C1QTNF3: variants seen among roughly 807,000 people sequenced by gnomAD.
C1QTNF3 encodes C1q and TNF related 3.
A neutral mutation model predicts 32.6 loss-of-function variants in C1QTNF3; 26 were observed. The ratio of observed to expected loss-of-function variants is 0.80; its 90% CI spans 0.58 to 1.11. The LOEUF (loss-of-function observed/expected upper bound fraction) is 1.11. C1QTNF3 is among the 50% of genes least tolerant of loss of function. C1QTNF3 has a pLI of 0.00. For synonymous variants in C1QTNF3, 155 were observed against 146.0 expected (o/e 1.06, Z -0.44); for missense variants, 362 against 398.2 (o/e 0.91, Z 0.77).
the C1QTNF3 span, among the ~76,000 whole-genome samples, chr5:34,176,754 G>A: frequency 6.6e-6 from 1 of 152,030 alleles, no homozygotes; most frequent in Non-Finnish European, 1.5e-5. Flanking sequence ...CTACTTGGGA[G>A]GCTGAGGTGG....
At chr5:34,229,761 T>C in the C1QTNF3 span, among the ~76,000 whole-genome samples, 5 of 152,220 alleles carry the variant, frequency 3.3e-5, no homozygotes, top group South Asian at 1.0e-3. Context: ...CTATTGAAGA[T>C]GATTGGCATT....
chr5:34,073,571 G>A, the C1QTNF3 span, among the ~76,000 whole-genome samples: 10 of 152,198 alleles, frequency 6.6e-5, no homozygotes, highest in East Asian at 1.9e-3. Context: ...ACATTCCCCA[G>A]ACTACACAGA....
chr5:34,124,585 G>C, the C1QTNF3 span: 2 of 578,948 alleles, frequency 3.5e-6, no homozygotes, highest in Non-Finnish European at 6.4e-6. Context: ...CAGCACTAAG[G>C]GGATGGTATT....
chr5:34,213,260 T>C, the C1QTNF3 span, among the ~76,000 whole-genome samples: 8 of 152,262 alleles, frequency 5.3e-5, no homozygotes, highest in East Asian at 1.9e-4. Context: ...CCATTATAGA[T>C]TGATCACTCT....
the C1QTNF3 span, chr5:34,167,654 G>GT: frequency 6.6e-6 from 1 of 152,162 alleles, no homozygotes; most frequent in Non-Finnish European, 1.5e-5. Flanking sequence ...GGGCAGAAGG[G>GT]TAAGATTTTG....
chr5:34,045,443 C>T (rs1754970890), upstream of C1QTNF3, among the ~76,000 whole-genome samples: 1 of 152,222 alleles, frequency 6.6e-6, no homozygotes, highest in South Asian at 2.1e-4. Flanking sequence ...TTAGGAATCA[C>T]TGATCCATCC....
At chr5:34,120,206 T>C in the C1QTNF3 span, among the ~76,000 whole-genome samples, 2 of 152,250 alleles carry the variant, frequency 1.3e-5, no homozygotes, top group African/African-American at 2.4e-5. Context: ...TTGGCATTCA[T>C]GCATGTTTCA....
chr5:34,052,465 A>G, the C1QTNF3 span, among the ~76,000 whole-genome samples: 1 of 152,266 alleles, frequency 6.6e-6, no homozygotes. Context: ...GGCAATAAAT[A>G]TCTGCTAATG....
At chr5:34,228,959 GTT>G in the C1QTNF3 span, among the ~76,000 whole-genome samples, 1 of 143,226 alleles carries the variant, frequency 7.0e-6, no homozygotes, top group Non-Finnish European at 1.5e-5. Context: ...GCCAATTAGA[GTT>G]TTTTTTTTTT....
the C1QTNF3 span, among the ~76,000 whole-genome samples, chr5:34,154,438 T>C: frequency 6.6e-6 from 1 of 152,220 alleles, no homozygotes; most frequent in Non-Finnish European, 1.5e-5. Flanking sequence ...AATGTTACCC[T>C]GTGTCCTTGT....
chr5:34,170,848 A>G, the C1QTNF3 span, among the ~76,000 whole-genome samples: 5 of 152,240 alleles, frequency 3.3e-5, no homozygotes. Context: ...ATTAAAATTT[A>G]AAGAATCTTA....
chr5:34,030,647 T>C (rs1754589386), intron 3 of C1QTNF3, among the ~76,000 whole-genome samples: 1 of 152,286 alleles, frequency 6.6e-6, no homozygotes, highest in South Asian at 2.1e-4. Context: ...AAAACTTTTG[T>C]CACTATTCAC....
the C1QTNF3 span, among the ~76,000 whole-genome samples, chr5:34,209,713 T>C: frequency 2.6e-4 from 40 of 152,068 alleles, no homozygotes; most frequent in Non-Finnish European, 5.0e-4. Flanking sequence ...TTAGTTTGAG[T>C]CTCTTCCGGA....
At chr5:34,131,086 A>G in the C1QTNF3 span, among the ~76,000 whole-genome samples, 1 of 152,264 alleles carries the variant, frequency 6.6e-6, no homozygotes, top group Non-Finnish European at 1.5e-5. Flanking sequence ...ACATATAAAA[A>G]TGCAACCACA....
At chr5:34,169,713 G>T in the C1QTNF3 span, among the ~76,000 whole-genome samples, 2 of 151,918 alleles carry the variant, frequency 1.3e-5, no homozygotes, top group Non-Finnish European at 2.9e-5. Flanking sequence ...AAAAGTCATT[G>T]CAAATAGTAA....
the C1QTNF3 span, among the ~76,000 whole-genome samples, chr5:34,055,300 G>A: frequency 6.6e-6 from 1 of 152,166 alleles, no homozygotes; most frequent in Non-Finnish European, 1.5e-5. Context: ...GCTACCACAT[G>A]GTAGAAAGAA....
At chr5:34,036,205 T>TA (rs1409633639) in intron 1 of C1QTNF3, among the ~76,000 whole-genome samples, 1 of 152,130 alleles carries the variant, frequency 6.6e-6, no homozygotes, top group Non-Finnish European at 1.5e-5. Context: ...TTTAAATGCT[T>TA]ACTATATCCA....
chr5:34,221,812 C>A, the C1QTNF3 span, among the ~76,000 whole-genome samples: 4 of 151,990 alleles, frequency 2.6e-5, no homozygotes, highest in East Asian at 5.8e-4. Flanking sequence ...TTTCAAAATT[C>A]TTTCCATTAC....
intron 3 of C1QTNF3, among the ~76,000 whole-genome samples, chr5:34,031,708 A>G (rs1754618169): frequency 6.6e-6 from 1 of 152,048 alleles, no homozygotes; most frequent in Admixed American, 6.6e-5. Flanking sequence ...GGTGTCACGC[A>G]CCTGTAATCC....
Sources: allele counts gnomAD v4.1 joint callset (sites outside exome capture counted in the v4.1 genomes callset), GRCh38; gene constraint gnomAD v4.1.1; transcripts MANE v1.5; gene names NCBI Gene and HGNC (gene_info 2026-07-23, HGNC 2026-07-21).